CARMIL3: variants seen among roughly 807,000 people sequenced by gnomAD.
CARMIL3 encodes capping protein regulator and myosin 1 linker 3, also known as capping protein, Arp2/3 and myosin-I linker protein 3.
In CARMIL3, 88 loss-of-function variants were observed where a neutral mutation model predicts 180.8. That is an observed-to-expected ratio of 0.49 (90% confidence interval 0.41 to 0.58). CARMIL3 has a LOEUF of 0.58. Among genes scored for constraint, CARMIL3 ranks in the 20% least tolerant of loss-of-function variants. CARMIL3 has a pLI of 0.00. For synonymous variants in CARMIL3, 696 were observed against 714.5 expected (o/e 0.97, Z 0.41); for missense variants, 1,548 against 1,787.0 (o/e 0.87, Z 2.41).
At chr14:24,052,256 C>G in intron 1 of CARMIL3, 63 bp downstream of exon 1, 4 of 1,502,070 alleles carry the variant, frequency 2.7e-6, no homozygotes, top group Non-Finnish European at 3.6e-6. Context: ...CAGCGCGTTC[C>G]TCCCCGTGGT....
At position 24,055,321 on chromosome 14, in the gene CARMIL3, G is replaced by A. The variant is rs769028809; in HGVS notation, c.605+11G>A. ...CCACTTGGAGAGCCGGTAAGCAGATGGGGCAGAGACTCCACCCTCAAATTC... is the reference window on the plus strand; with the variant it reads ...CCACTTGGAGAGCCGGTAAGCAGATAGGGCAGAGACTCCACCCTCAAATTC... On this transcript the variant is annotated intron_variant, in intron 8 of 39. Coordinates refer to ENST00000342740, the MANE Select transcript of CARMIL3 (RefSeq NM_138360.4). 3.1e-6 allele frequency: 5 copies of A among 1,613,930 alleles called. No homozygotes were observed. Among genetic ancestry groups the A allele is most frequent in the Admixed American group, 1.7e-5 (1 of 60,012 alleles).
rs1594550506 is a variant in CARMIL3 at position 24,059,829 on chromosome 14, C to G, written c.1868+97C>G. 2.2e-5 allele frequency: 34 copies of G among 1,537,962 alleles called. No individual in the cohort carries two copies. The highest frequency in any genetic ancestry group is 2.8e-5 in the Non-Finnish European group (31 of 1,113,066). ...CTTGCCCCACCCTAGCCCCTTTGAC[C>G]TATTTGCACAGAAATTTTAGGAAGG... On this transcript the variant is annotated intron_variant, in intron 22 of 39. Coordinates refer to ENST00000342740, the MANE Select transcript of CARMIL3 (RefSeq NM_138360.4). The surrounding 1 kb of genome is among the most constrained non-coding windows in gnomAD (Gnocchi z 6.3).
rs754473693 is a variant in CARMIL3 at position 24,055,808 on chromosome 14, T to G, written c.770+19T>G. On this transcript the variant is annotated intron_variant, in intron 10 of 39. Transcript: ENST00000342740. ...TTAAGACGTGAGGCCAGTCTCCTCC[T>G]TGGGCAGTAGTGCACCCTTGATGTA... is the stretch of plus-strand genomic sequence containing the variant. 7 of 1,612,102 alleles carry G rather than the reference T, an allele frequency of 4.3e-6. No individual in the cohort carries two copies. In the South Asian group the frequency reaches 7.7e-5, roughly 18 times the overall value.
Position 24,065,611 on chromosome 14 carries a change from C to T in CARMIL3, c.3397-11C>T. The T allele has an allele frequency of 6.3e-7, 1 of 1,597,994 alleles. No individual in the cohort carries two copies. Among genetic ancestry groups the T allele is most frequent in the South Asian group, 1.1e-5 (1 of 89,122 alleles). On this transcript the variant is annotated splice_polypyrimidine_tract_variant and intron_variant, in intron 33 of 39. Coordinates refer to ENST00000342740, the MANE Select transcript of CARMIL3 (RefSeq NM_138360.4). ...CTGGGAACTGCTAATAAATAAGAGA[C>T]CTTGTTCTAGGGCACTGAGGGGTCA... is the stretch of plus-strand genomic sequence containing the variant.
chr14:24,055,729 A>G lies in CARMIL3; in HGVS notation c.710A>G (p.His237Arg). 6.2e-7 allele frequency: 1 copy of G among 1,614,126 alleles called. No homozygotes were observed. Among genetic ancestry groups the G allele is most frequent in the East Asian group, 2.2e-5 (1 of 44,872 alleles). The change falls in exon 10 of 40, where the codon CAT becomes CGT. Residue 237 changes from histidine to arginine, a missense_variant. Physicochemically the swap from His to Arg is conservative, Grantham distance 29. Coordinates refer to ENST00000342740, the MANE Select transcript of CARMIL3 (RefSeq NM_138360.4). ...LGSEVLEQVLHTLSKSGSLEE... is the reference protein window; with the variant it reads ...LGSEVLEQVLRTLSKSGSLEE... Reference sequence around the variant, plus strand: ...TCTGAAGTGCTAGAACAGGTGCTACATACCCTAAGCAAGTCGGGGAGCCTC... The same window carrying G: ...TCTGAAGTGCTAGAACAGGTGCTACGTACCCTAAGCAAGTCGGGGAGCCTC...
chr14:24,060,982 G>A lies in CARMIL3; in HGVS notation c.2246G>A (p.Arg749Gln), dbSNP rs1343728786. The change falls in exon 26 of 40, where the codon CGG becomes CAG. Residue 749 changes from arginine to glutamine, a missense_variant. Arg to Gln is a conservative substitution (Grantham distance 43). Transcript: ENST00000342740. ...GHVLANDGPV[R>Q]QRLESVASEV... ...GTGCTGGCCAATGATGGGCCTGTGCGGCAGAGGCTGGAATCAGTAGCAAGT... is the reference window on the plus strand; with the variant it reads ...GTGCTGGCCAATGATGGGCCTGTGCAGCAGAGGCTGGAATCAGTAGCAAGT... 20 of 1,551,554 alleles carry A rather than the reference G, an allele frequency of 1.3e-5. No homozygotes were observed. In the East Asian group the frequency reaches 1.7e-4, roughly 13 times the overall value.
chr14:24,052,534 C>G (rs937504668), intron 1 of CARMIL3, among the ~76,000 whole-genome samples: 40 of 152,178 alleles, frequency 2.6e-4, no homozygotes, highest in Admixed American at 1.2e-3. Flanking sequence ...TCCCCGCTTC[C>G]CCGCCGGGCG....
rs537878938 is a variant in CARMIL3 at position 24,062,488 on chromosome 14, A to G, written c.2489A>G (p.Lys830Arg). The G allele has an allele frequency of 1.9e-5, 31 of 1,614,142 alleles. No individual in the cohort carries two copies. The highest frequency in any genetic ancestry group is 2.5e-5 in the Non-Finnish European group (30 of 1,179,994). ...CCCACCTGTGCCCACAGTGAAGTGA[A>G]GCTCTCAGTCGTCACCTACCTAACC... The part of the protein sequence containing the change: ...QDIQNKLDEV[K>R]LSVVTYLTSS... The change falls in exon 28 of 40, where the codon AAG becomes AGG. Residue 830 changes from lysine (K) to arginine (R), a missense_variant. By Grantham distance (26) the Lys-to-Arg change is conservative (BLOSUM62 2). This residue lies in a region of CARMIL3 where 297 missense variants were observed against 415.9 expected (regional missense o/e 0.71). Transcript: ENST00000342740.
chr14:24,064,174 A>G, intron 31 of CARMIL3, 72 bp from the exon 32 acceptor site: 1 of 972,922 alleles, frequency 1.0e-6, no homozygotes, highest in Admixed American at 2.1e-5. Context: ...CCAAAGGGGA[A>G]TGCTCTGAGT....
chr14:24,055,858 GC>G (rs2035667118), intron 10 of CARMIL3, 69 bp downstream of exon 10: 3 of 1,387,402 alleles, frequency 2.2e-6, no homozygotes, highest in Admixed American at 1.8e-5. Flanking sequence ...GAACCTCAGA[GC>G]ATGATGCAGG....
rs753739974 is a variant in CARMIL3 at position 24,055,639 on chromosome 14, G to A, written c.681+21G>A. 6.2e-6 allele frequency: 10 copies of A among 1,614,028 alleles called. No homozygotes were observed. In the East Asian group the frequency reaches 2.0e-4, roughly 32 times the overall value. ...GGCTGGTAGGAACTGGGAGGGGCTG[G>A]TGAGGTGGGAGAAGTAGTGCCCCCC... On this transcript the variant is annotated intron_variant, in intron 9 of 39. Coordinates refer to ENST00000342740, the MANE Select transcript of CARMIL3 (RefSeq NM_138360.4).
chr14:24,055,669 C>T, intron 9 of CARMIL3, 32 bp from the exon 10 acceptor site: 1 of 1,613,526 alleles, frequency 6.2e-7, no homozygotes, highest in Non-Finnish European at 8.5e-7. Context: ...CCCCCCTTGG[C>T]CCCTGATCAC....
rs769682852 is a variant in CARMIL3 at position 24,065,661 on chromosome 14, C to T, written c.3436C>T (p.Pro1146Ser). The T allele has an allele frequency of 6.2e-7, 1 of 1,613,768 alleles. No individual in the cohort carries two copies. Among genetic ancestry groups the T allele is most frequent in the Non-Finnish European group, 8.5e-7 (1 of 1,179,822 alleles). The change falls in exon 34 of 40, where the codon CCT becomes TCT. Residue 1146 changes from proline to serine, a missense_variant. This residue lies in a region of CARMIL3 where 668 missense variants were observed against 687.8 expected (regional missense o/e 0.97). Coordinates refer to ENST00000342740, the MANE Select transcript of CARMIL3 (RefSeq NM_138360.4). Reference protein sequence around the residue: ...GSEPGEGGPAPGTAQQPRVHG... With the variant: ...GSEPGEGGPASGTAQQPRVHG... ...AGAGCCAGGGGAGGGGGGCCCAGCCCCTGGGACAGCACAGCAGCCAAGGGT... is the reference window on the plus strand; with the variant it reads ...AGAGCCAGGGGAGGGGGGCCCAGCCTCTGGGACAGCACAGCAGCCAAGGGT...
chr14:24,067,011 G>GCCAAACT (rs2035794030), intron 36 of CARMIL3, among the ~76,000 whole-genome samples: 2 of 152,170 alleles, frequency 1.3e-5, no homozygotes, highest in Non-Finnish European at 2.9e-5. Flanking sequence ...GGAAGAGGGT[G>GCCAAACT]GGCAAGTCAA....
chr14:24,061,355 C>T lies in CARMIL3; in HGVS notation c.2305-142C>T. On this transcript the variant is annotated intron_variant, in intron 26 of 39. Coordinates refer to ENST00000342740, the MANE Select transcript of CARMIL3 (RefSeq NM_138360.4). The surrounding 1 kb of genome is among the most constrained non-coding windows in gnomAD (Gnocchi z 4.1). ...AGTGGGGAAGCCTTAGTGTCCAAGG[C>T]TCTGCCACTAACAGTTTTGTGACTT... 1 of 845,112 alleles carries T rather than the reference C, an allele frequency of 1.2e-6. No homozygotes were observed. The highest frequency in any genetic ancestry group is 2.7e-5 in the East Asian group (1 of 37,384). The allele number at this position is 845,112 out of a possible 1,614,324, so 52.4% of individuals were successfully genotyped here.
intron 10 of CARMIL3, 64 bp downstream of exon 10, chr14:24,055,853 TCA>T: frequency 6.9e-7 from 1 of 1,449,886 alleles, no homozygotes; most frequent in Non-Finnish European, 9.6e-7. Context: ...TCCCAGAACC[TCA>T]GAGCATGATG....
Position 24,059,848 on chromosome 14 carries a change from AGGAAGGGCCAT to A in CARMIL3, c.1869-116_1869-106del, listed in dbSNP as rs980228027. ...TTTGACCTATTTGCACAGAAATTTT[AGGAAGGGCCAT>A]GGAAGACAGAAATGATGAGCAAGGG... On this transcript the variant is annotated intron_variant, in intron 22 of 39. Transcript: ENST00000342740. The surrounding 1 kb of genome is among the most constrained non-coding windows in gnomAD (Gnocchi z 6.3). 4.6e-6 allele frequency: 7 copies of A among 1,528,344 alleles called. No homozygotes were observed. In the African/African-American group the frequency reaches 9.6e-5, roughly 21 times the overall value. 94.7% of individuals were successfully genotyped at this position (1,528,344 alleles called of 1,614,324 possible). A position where few individuals can be genotyped will look rare whatever the true frequency, so the allele number is the denominator to read the frequency against.
intron 1 of CARMIL3, among the ~76,000 whole-genome samples, chr14:24,052,968 G>A (rs377316028): frequency 4.6e-5 from 7 of 152,126 alleles, no homozygotes; most frequent in East Asian, 3.9e-4. Flanking sequence ...ATGCTGCGCC[G>A]TGGCAATCTC....
At position 24,056,326 on chromosome 14, in the gene CARMIL3, G is replaced by A; in HGVS notation, c.798G>A (p.Val266=). Residue 266 remains valine, a synonymous_variant, in exon 11 of 40, where the codon GTG becomes GTA. Transcript: ENST00000342740. ...KTDFVQKLAG[V]FGENGSCVLH... ...ACTTTGTCCAGAAGCTGGCCGGGGT[G>A]TTTGGGGAGAACGGGAGCTGTGTGC... The A allele has an allele frequency of 1.2e-6, 2 of 1,614,042 alleles. No homozygotes were observed. Among genetic ancestry groups the A allele is most frequent in the Non-Finnish European group, 1.7e-6 (2 of 1,179,932 alleles).
Sources: allele counts gnomAD v4.1 joint callset (sites outside exome capture counted in the v4.1 genomes callset), GRCh38; gene constraint gnomAD v4.1.1; regional missense constraint gnomAD v4.1.1; non-coding constraint Gnocchi (gnomAD v3.1); transcripts MANE v1.5; gene names NCBI Gene and HGNC (gene_info 2026-07-23, HGNC 2026-07-21).